STK32C: variants seen among roughly 807,000 people sequenced by gnomAD.
The protein encoded by STK32C is serine/threonine kinase 32C.
A neutral mutation model predicts 56.5 loss-of-function variants in STK32C; 31 were observed. The ratio of observed to expected loss-of-function variants is 0.55; its 90% CI spans 0.41 to 0.74. The LOEUF (loss-of-function observed/expected upper bound fraction) is 0.74, where lower values mean the gene tolerates loss of function less well. Among genes scored for constraint, STK32C ranks in the 30% least tolerant of loss-of-function variants. STK32C has a pLI of 0.00. For synonymous variants in STK32C, 309 were observed against 289.4 expected, an observed-to-expected ratio of 1.07 and a Z score of -0.69; for missense variants, 544 against 676.9, an observed-to-expected ratio of 0.80 and a Z score of 2.18.
intron 1 of STK32C, among the ~76,000 whole-genome samples, chr10:132,274,081 G>C (rs2064922269): frequency 6.6e-6 from 1 of 152,222 alleles, no homozygotes; most frequent in African/African-American, 2.4e-5. Context: ...TGAGGTGCAG[G>C]GGTTGGGGCT....
At chr10:132,330,339 C>T in intron 1 of STK32C, 1 of 665,028 alleles carries the variant, frequency 1.5e-6, no homozygotes, top group Non-Finnish European at 2.8e-6. Context: ...AATGCTGAAA[C>T]TTGTTAGAAA....
At chr10:132,236,253 A>G (rs2063288817) in intron 2 of STK32C, among the ~76,000 whole-genome samples, 1 of 152,250 alleles carries the variant, frequency 6.6e-6, no homozygotes, top group Non-Finnish European at 1.5e-5. Context: ...GACGTGGTCA[A>G]TGCTGGGACC....
intron 1 of STK32C, among the ~76,000 whole-genome samples, chr10:132,302,601 G>A (rs944548029): frequency 2.0e-5 from 3 of 152,184 alleles, no homozygotes; most frequent in Non-Finnish European, 2.9e-5. Flanking sequence ...ACCACCAAGC[G>A]CCTGCACTGT....
rs146711861 is a variant in STK32C, at chr10:132,251,242, A to G, written c.263-5287T>C. Reference sequence around the variant, plus strand: ...CCCTACCCAGTTTCGCCTAGTCCCAAGTCCGCTCTCATGGGGGCCCGTGGA... The same window carrying G: ...CCCTACCCAGTTTCGCCTAGTCCCAGGTCCGCTCTCATGGGGGCCCGTGGA... On this transcript the variant is annotated intron_variant, in intron 1 of 11. Coordinates refer to ENST00000298630, the MANE Select transcript of STK32C (RefSeq NM_173575.4). Among the ~76,000 whole-genome samples the G allele has an allele frequency of 6.6e-5, 10 of 152,308 alleles. No homozygotes were observed. In the East Asian group the frequency reaches 1.7e-3, roughly 27 times the overall value.
chr10:132,224,948 G>A (rs560761037), intron 7 of STK32C, among the ~76,000 whole-genome samples: 37 of 152,320 alleles, frequency 2.4e-4, no homozygotes, highest in South Asian at 6.2e-4. Context: ...GGAAAGTTCC[G>A]AGGCAGCACC....
chr10:132,245,980 C>G lies in STK32C; in HGVS notation c.263-25G>C. ...ACTGCAGGATAAAACAGAGGGACAC[C>G]TGGTGAGGTGGCAGCAAGGCCCCAC... On this transcript the variant is annotated intron_variant, in intron 1 of 11. Transcript: ENST00000298630. The G allele has an allele frequency of 1.9e-6, 3 of 1,612,828 alleles. No homozygotes were observed. In the South Asian group the frequency reaches 3.3e-5, roughly 18 times the overall value.
Position 132,208,293 on chromosome 10 carries a change from G to A in STK32C, c.1320-142C>T. The A allele has an allele frequency of 2.8e-6, 3 of 1,060,618 alleles. No individual in the cohort carries two copies. The East Asian group carries it at 9.7e-5, about 34-fold the overall frequency. 65.7% of individuals were successfully genotyped at this position (1,060,618 alleles called of 1,614,324 possible). On this transcript the variant is annotated intron_variant, in intron 11 of 11. Transcript: ENST00000298630. ...CACAGGCTCGGTGTCTGCTGGAGAG[G>A]CCATGCTCCCGATACACTGGCAGGG...
chr10:132,278,077 C>T (rs1402847217), intron 1 of STK32C, among the ~76,000 whole-genome samples: 1 of 152,162 alleles, frequency 6.6e-6, no homozygotes, highest in Non-Finnish European at 1.5e-5. Context: ...GACTCCTTAC[C>T]ATGAAGACCC....
chr10:132,210,105 G>A (rs2062244731), intron 10 of STK32C, among the ~76,000 whole-genome samples: 1 of 152,202 alleles, frequency 6.6e-6, no homozygotes, highest in Non-Finnish European at 1.5e-5. Context: ...CCATGCGATT[G>A]GCCAGTGACG....
chr10:132,252,655 C>T (rs977811339), intron 1 of STK32C, among the ~76,000 whole-genome samples: 2 of 152,016 alleles, frequency 1.3e-5, no homozygotes, highest in Non-Finnish European at 2.9e-5. Flanking sequence ...ATGGACGGAG[C>T]GGCTCGGAGC....
intron 1 of STK32C, among the ~76,000 whole-genome samples, chr10:132,275,901 C>T (rs1275364400): frequency 6.6e-6 from 1 of 152,144 alleles, no homozygotes; most frequent in African/African-American, 2.4e-5. Flanking sequence ...GGGCAGGAGA[C>T]TGTACAGGAA....
chr10:132,299,326 A>G (rs181886301), intron 1 of STK32C, among the ~76,000 whole-genome samples: 7 of 140,656 alleles, frequency 5.0e-5, no homozygotes, highest in African/African-American at 1.7e-4. Flanking sequence ...AGCCAACAGC[A>G]AACTGAGACC....
upstream of STK32C, among the ~76,000 whole-genome samples, chr10:132,311,552 G>T (rs927180124): frequency 6.6e-6 from 1 of 152,212 alleles, no homozygotes; most frequent in African/African-American, 2.4e-5. The surrounding 1 kb of genome is among the most constrained non-coding windows in gnomAD (Gnocchi z 4.4). Context: ...TGGCCACCTG[G>T]TGACTCAGGA....
intron 1 of STK32C, among the ~76,000 whole-genome samples, chr10:132,301,499 G>T (rs2065909486): frequency 6.6e-6 from 1 of 152,212 alleles, no homozygotes; most frequent in South Asian, 2.1e-4. Context: ...AGGTGTGGGG[G>T]TCCCCGGGGA....
intron 1 of STK32C, among the ~76,000 whole-genome samples, chr10:132,278,388 G>A (rs918141893): frequency 6.6e-6 from 1 of 152,196 alleles, no homozygotes; most frequent in Non-Finnish European, 1.5e-5. Flanking sequence ...CAGGGAAAGG[G>A]CTCTTGACCA....
intron 1 of STK32C, among the ~76,000 whole-genome samples, chr10:132,279,977 A>AC (rs1191981702): frequency 2.3e-5 from 3 of 131,290 alleles, no homozygotes; most frequent in Non-Finnish European, 4.8e-5. Context: ...ACGCCCCTGC[A>AC]CCCCGTGACC....
At chr10:132,291,541 G>A (rs1025863148) in intron 1 of STK32C, among the ~76,000 whole-genome samples, 24 of 152,224 alleles carry the variant, frequency 1.6e-4, no homozygotes, top group Non-Finnish European at 2.4e-4. Flanking sequence ...CTGTGCCCAC[G>A]AGATGCCAGC....
chr10:132,313,148 A>G (rs1353125478), intron 1 of STK32C, among the ~76,000 whole-genome samples: 1 of 152,192 alleles, frequency 6.6e-6, no homozygotes, highest in Non-Finnish European at 1.5e-5. Flanking sequence ...TTTAGACACA[A>G]CAACCAACCA....
chr10:132,314,746 A>T (rs990690902), intron 1 of STK32C, among the ~76,000 whole-genome samples: 2 of 152,276 alleles, frequency 1.3e-5, no homozygotes, highest in African/African-American at 4.8e-5. Flanking sequence ...CAGATAACGT[A>T]GACTTCAAGA....
Sources: gnomAD v4.1 joint callset for allele counts (sites outside exome capture counted in the v4.1 genomes callset) on GRCh38, gnomAD v4.1.1 for gene constraint, Gnocchi (gnomAD v3.1) non-coding constraint, MANE v1.5 for transcripts, NCBI Gene and HGNC (gene_info 2026-07-23, HGNC 2026-07-21) for gene names.